The following HERC5 variants were observed in gnomAD, a reference collection of about 807,000 sequenced individuals.
The protein encoded by HERC5 is E3 ISG15--protein ligase HERC5.
Under a neutral mutation model 119.6 loss-of-function variants are expected in HERC5, and 99 were observed. The ratio of observed to expected loss-of-function variants is 0.83; its 90% CI spans 0.70 to 0.98. HERC5 has a LOEUF of 0.98. HERC5 is among the 50% of genes least tolerant of loss of function. HERC5 has a pLI of 0.00. For missense variants in HERC5, 1,267 were observed against 1,241.3 expected (o/e 1.02, Z -0.31); for synonymous variants, 478 against 445.9 (o/e 1.07, Z -0.91).
chr4:88,487,568 G>T (rs138781114), intron 15 of HERC5, among the ~76,000 whole-genome samples: 1 of 152,118 alleles, frequency 6.6e-6, no homozygotes, highest in East Asian at 1.9e-4. Context: ...GAAAAGATAC[G>T]GTAGCAGGAA....
At chr4:88,457,638 C>G (rs1028569536) in intron 1 of HERC5, 104 bp downstream of exon 1, 5 of 1,128,828 alleles carry the variant, frequency 4.4e-6, no homozygotes, top group Non-Finnish European at 5.6e-6. Flanking sequence ...GAGGAGAGCC[C>G]AGAAGGCCGC....
Position 88,457,345 on chromosome 4 carries a change from G to C in HERC5, c.76G>C (p.Ala26Pro). Residue 26 changes from alanine (A) to proline (P), a missense_variant, in exon 1 of 23, where the codon GCG (alanine) becomes CCG (proline). By Grantham distance (27) the Ala-to-Pro change is conservative. Transcript: ENST00000264350. ...TAGKAAATQP[A>P]KSPGAQLWLF... ...GGGCAAGGCCGCCGCGACCCAGCCC[G>C]CGAAGTCTCCGGGCGCACAGCTCTG... is the stretch of plus-strand genomic sequence containing the variant. 7.1e-7 allele frequency: 1 copy of C among 1,417,152 alleles called. No homozygotes were observed. The allele number at this position is 1,417,152 out of a possible 1,614,324, so 87.8% of individuals were successfully genotyped here. A position where few individuals can be genotyped will look rare whatever the true frequency, so the allele number is the denominator to read the frequency against.
chr4:88,493,795 G>A (rs913185028), intron 17 of HERC5, among the ~76,000 whole-genome samples: 1 of 151,686 alleles, frequency 6.6e-6, no homozygotes, highest in Non-Finnish European at 1.5e-5. Context: ...TGTATTTTTT[G>A]TAGAGATGGG....
At chr4:88,473,288 T>C (rs1740941222) in intron 11 of HERC5, 1 of 152,120 alleles carries the variant, frequency 6.6e-6, no homozygotes, top group Non-Finnish European at 1.5e-5. Context: ...CCTTCTTTCT[T>C]TCTCTCTCCT....
At chr4:88,487,458 T>C (rs1222658972) in intron 15 of HERC5, among the ~76,000 whole-genome samples, 2 of 152,184 alleles carry the variant, frequency 1.3e-5, no homozygotes, top group Admixed American at 1.3e-4. Flanking sequence ...CAGCCTGTAG[T>C]CTTCTGAATA....
intron 11 of HERC5, among the ~76,000 whole-genome samples, chr4:88,474,577 A>G (rs1192045147): frequency 6.6e-6 from 1 of 152,226 alleles, no homozygotes; most frequent in Non-Finnish European, 1.5e-5. Context: ...GGAGTCCAAT[A>G]TAATGTTTTA....
intron 20 of HERC5, among the ~76,000 whole-genome samples, chr4:88,501,999 CG>C (rs1205452904): frequency 6.6e-6 from 1 of 152,126 alleles, no homozygotes; most frequent in Non-Finnish European, 1.5e-5. Context: ...AGGGTTTCAC[CG>C]TGTTAGCCAG....
intron 15 of HERC5, among the ~76,000 whole-genome samples, chr4:88,487,653 G>A (rs1230173751): frequency 6.6e-6 from 1 of 152,120 alleles, no homozygotes; most frequent in African/African-American, 2.4e-5. Context: ...CATAAAAGAG[G>A]TTTGTACAGA....
chr4:88,472,375 C>A, intron 10 of HERC5, 34 bp from the exon 11 acceptor site: 2 of 1,271,206 alleles, frequency 1.6e-6, no homozygotes, highest in Non-Finnish European at 2.3e-6. Context: ...GGGAGATAAT[C>A]TAACAAAATA....
At chr4:88,468,696 C>T (rs1241842326) in intron 8 of HERC5, among the ~76,000 whole-genome samples, 1 of 152,138 alleles carries the variant, frequency 6.6e-6, no homozygotes, top group Non-Finnish European at 1.5e-5. Context: ...TGGTCAGTAT[C>T]CTTGCAAACA....
At chr4:88,494,141 T>C (rs748693566) in intron 17 of HERC5, 24 bp from the exon 18 acceptor site, 4 of 1,532,164 alleles carry the variant, frequency 2.6e-6, no homozygotes, top group African/African-American at 1.4e-5. Flanking sequence ...CATAATACTT[T>C]AAGATTTTTT....
At chr4:88,481,555 T>C (rs1158944184) in intron 13 of HERC5, among the ~76,000 whole-genome samples, 2 of 152,214 alleles carry the variant, frequency 1.3e-5, no homozygotes, top group African/African-American at 4.8e-5. Context: ...ACTCCTTGTG[T>C]CTTGTTTTAA....
In HERC5 at chr4:88,463,956, GTA is replaced by G. The variant is rs764584509; in HGVS notation, c.885_886del (p.Tyr295Ter). On this transcript the variant is annotated frameshift_variant, in exon 6 of 23. Coordinates refer to ENST00000264350, the MANE Select transcript of HERC5 (RefSeq NM_016323.4). LOFTEE classifies it high-confidence loss of function. ...RPCLVAELVG[Y>X]RVTQIACGRW... Reference sequence around the variant, plus strand: ...CCTGTTTGGTGGCTGAGCTTGTTGGGTATAGAGTGACTCAGATAGCATGTGGA... The same window carrying G: ...CCTGTTTGGTGGCTGAGCTTGTTGGGTAGAGTGACTCAGATAGCATGTGGA... 6.2e-6 allele frequency: 10 copies of G among 1,613,700 alleles called. No individual in the cohort carries two copies. Among genetic ancestry groups the G allele is most frequent in the Non-Finnish European group, 5.9e-6 (7 of 1,179,930 alleles).
Position 88,479,363 on chromosome 4 carries a change from G to A in HERC5, c.1593G>A (p.Trp531Ter). ...DQSSLVLEEY[W>*]ATLQESTFSK... ...CCTTGTGTTCCTCAGAAGAGTATTG[G>A]GCAACTCTGCAAGAATCCACTTTCA... Residue 531 changes from tryptophan to a stop codon, truncating the protein, a stop_gained, in exon 13 of 23, where the codon TGG becomes TGA. Transcript: ENST00000264350. LOFTEE classifies it high-confidence loss of function. 1 of 1,599,398 alleles carries A rather than the reference G, an allele frequency of 6.3e-7. No homozygotes were observed. The highest frequency in any genetic ancestry group is 8.5e-7 in the Non-Finnish European group (1 of 1,175,682).
In HERC5 at chr4:88,460,130, A is replaced by G. The variant is rs1218985479; in HGVS notation, c.425A>G (p.Gln142Arg). 1.3e-6 allele frequency: 2 copies of G among 1,588,232 alleles called. No individual in the cohort carries two copies. The highest frequency in any genetic ancestry group is 2.2e-5 in the South Asian group (2 of 89,142). Residue 142 changes from glutamine to arginine, a missense_variant, in exon 3 of 23, where the codon CAG (glutamine) becomes CGG (arginine). By Grantham distance (43) the Gln-to-Arg change is conservative. Transcript: ENST00000264350. ...ESILQEKKII[Q>R]ITCGDYHSLA... is the part of the protein sequence containing the mutation. ...ATTTTACAAGAAAAAAAAATAATTC[A>G]GATCACATGTGGAGATTACCATTCT...
At chr4:88,492,856 G>T (rs1045985468) in intron 16 of HERC5, among the ~76,000 whole-genome samples, 156 bp from the exon 17 acceptor site, 2 of 152,214 alleles carry the variant, frequency 1.3e-5, no homozygotes, top group African/African-American at 4.8e-5. Context: ...TTAATGTAGA[G>T]ATTAAATATG....
At chr4:88,487,967 A>C (rs1259103893) in intron 15 of HERC5, among the ~76,000 whole-genome samples, 5 of 152,226 alleles carry the variant, frequency 3.3e-5, no homozygotes, top group Non-Finnish European at 7.3e-5. Flanking sequence ...ATGTATGTAT[A>C]ATATTCAAAT....
In HERC5 at chr4:88,460,149, C is replaced by A; in HGVS notation, c.444C>A (p.Tyr148Ter). 6.3e-7 allele frequency: 1 copy of A among 1,583,326 alleles called. No homozygotes were observed. The highest frequency in any genetic ancestry group is 8.7e-7 in the Non-Finnish European group (1 of 1,154,898). Reference protein sequence around the residue: ...KKIIQITCGDYHSLALSKGGE... With the variant: ...KKIIQITCGD ...TAATTCAGATCACATGTGGAGATTA[C>A]CATTCTCTTGCACTCTCAAAAGGTA... The change falls in exon 3 of 23, where the codon TAC becomes TAA. Residue 148 changes from tyrosine (Y) to a stop codon, truncating the protein, a stop_gained. Transcript: ENST00000264350. LOFTEE classifies it high-confidence loss of function.
chr4:88,479,240 G>C, intron 12 of HERC5, 113 bp from the exon 13 acceptor site: 2 of 685,132 alleles, frequency 2.9e-6, no homozygotes, highest in Non-Finnish European at 4.5e-6. Context: ...AGCTGAGATC[G>C]TGCCACTGCA....
Sources: allele counts gnomAD v4.1 joint callset (sites outside exome capture counted in the v4.1 genomes callset), GRCh38; gene constraint gnomAD v4.1.1; transcripts MANE v1.5; gene names NCBI Gene and HGNC (gene_info 2026-07-23, HGNC 2026-07-21).